CAMTA1: variants seen among roughly 807,000 people sequenced by gnomAD.
CAMTA1 encodes the protein calmodulin binding transcription activator 1.
In CAMTA1, 27 loss-of-function variants were observed where a neutral mutation model predicts 170.9. That is an observed-to-expected ratio of 0.16 (90% CI 0.12 to 0.22). The LOEUF (loss-of-function observed/expected upper bound fraction) is 0.22. Among genes scored for constraint, CAMTA1 ranks in the 10% least tolerant of loss-of-function variants. CAMTA1 has a pLI of 1.00. For synonymous variants in CAMTA1, 833 were observed against 891.5 expected, an observed-to-expected ratio of 0.93 and a Z score of 1.17; for missense variants, 1,619 against 2,217.2, an observed-to-expected ratio of 0.73 and a Z score of 5.42.
At chr1:7,153,935 C>T (rs1646719882) in intron 4 of CAMTA1, among the ~76,000 whole-genome samples, 1 of 152,246 alleles carries the variant, frequency 6.6e-6, no homozygotes, top group Admixed American at 6.5e-5. Context: ...TAGGCCTGGG[C>T]TCCGGCCACG....
intron 3 of CAMTA1, among the ~76,000 whole-genome samples, chr1:6,989,413 T>C (rs1695942329): frequency 6.6e-6 from 1 of 152,228 alleles, no homozygotes; most frequent in Non-Finnish European, 1.5e-5. Flanking sequence ...TCATGTCAGC[T>C]CAAATAATGA....
intron 3 of CAMTA1, among the ~76,000 whole-genome samples, chr1:6,844,354 T>C (rs1384819680): frequency 6.6e-6 from 1 of 152,008 alleles, no homozygotes; most frequent in African/African-American, 2.4e-5. Context: ...GTTTCCTGTT[T>C]GTATATAATA....
intron 4 of CAMTA1, among the ~76,000 whole-genome samples, chr1:7,231,929 A>G (rs1380644992): frequency 6.6e-6 from 1 of 152,198 alleles, no homozygotes; most frequent in Non-Finnish European, 1.5e-5. Flanking sequence ...GCTCAAACAG[A>G]ACAAATGTGG....
chr1:7,052,535 C>G (rs1028688004), intron 3 of CAMTA1, among the ~76,000 whole-genome samples: 15 of 152,294 alleles, frequency 9.8e-5, no homozygotes, highest in African/African-American at 3.1e-4. Context: ...CATTCCTGGT[C>G]TCACACCCTC....
At position 7,570,984 on chromosome 1, in the gene CAMTA1, CTG is replaced by C. The variant is rs2095118918; in HGVS notation, c.511-69414_511-69413del. Among the ~76,000 whole-genome samples, 1 of 152,186 alleles carries C rather than the reference CTG, an allele frequency of 6.6e-6. No individual in the cohort carries two copies. The highest frequency in any genetic ancestry group is 1.5e-5 in the Non-Finnish European group (1 of 68,030). ...GTTGTGAGGATTAAAGGTGGTGTAT[CTG>C]TAAGGTGTAAGGTGTCCCTCCCAGA... On this transcript the variant is annotated intron_variant, in intron 6 of 22. Transcript: ENST00000303635. The surrounding 1 kb of genome is among the most constrained non-coding windows in gnomAD (Gnocchi z 4.3).
At chr1:6,872,657 G>T (rs1039035165) in intron 3 of CAMTA1, among the ~76,000 whole-genome samples, 4 of 151,878 alleles carry the variant, frequency 2.6e-5, no homozygotes, top group African/African-American at 9.7e-5. Flanking sequence ...CATTTTTATT[G>T]TATTTCTCTT....
intron 6 of CAMTA1, among the ~76,000 whole-genome samples, chr1:7,496,880 C>T (rs1015149134): frequency 3.3e-5 from 5 of 151,900 alleles, no homozygotes; most frequent in South Asian, 2.1e-4. Flanking sequence ...GGTCAGCAAG[C>T]GCAACCTCAG....
At chr1:6,884,641 A>G (rs1170872626) in intron 3 of CAMTA1, among the ~76,000 whole-genome samples, 2 of 152,144 alleles carry the variant, frequency 1.3e-5, no homozygotes, top group African/African-American at 4.8e-5. Context: ...CTCAAAAATT[A>G]CCCTCAAAAA....
At chr1:7,598,601 T>C (rs2095418283) in intron 6 of CAMTA1, among the ~76,000 whole-genome samples, 1 of 152,136 alleles carries the variant, frequency 6.6e-6, no homozygotes, top group African/African-American at 2.4e-5. Flanking sequence ...GCACCTGTTG[T>C]TTCCTGACTT....
chr1:7,423,394 C>T (rs532748698), intron 5 of CAMTA1, among the ~76,000 whole-genome samples: 180 of 150,042 alleles, frequency 1.2e-3, no homozygotes, highest in African/African-American at 3.4e-3. Flanking sequence ...CGCTTGAACC[C>T]GGAGGCAGAG....
chr1:7,095,979 T>G (rs1642030543), intron 4 of CAMTA1, among the ~76,000 whole-genome samples: 1 of 152,216 alleles, frequency 6.6e-6, no homozygotes, highest in Non-Finnish European at 1.5e-5. Flanking sequence ...AGCATGTCCT[T>G]CCCAGGAATC....
intron 5 of CAMTA1, among the ~76,000 whole-genome samples, chr1:7,451,669 C>T (rs1305901200): frequency 6.6e-6 from 1 of 152,128 alleles, no homozygotes; most frequent in Non-Finnish European, 1.5e-5. Context: ...TGTCAATGAA[C>T]CATCACTGAG....
intron 6 of CAMTA1, among the ~76,000 whole-genome samples, chr1:7,612,581 T>TG (rs1179275397): frequency 2.0e-5 from 3 of 152,204 alleles, no homozygotes; most frequent in Non-Finnish European, 4.4e-5. Context: ...GGGCCTTTGC[T>TG]GGGGAACTGC....
chr1:7,118,658 A>G (rs749675403), intron 4 of CAMTA1, among the ~76,000 whole-genome samples: 3 of 152,080 alleles, frequency 2.0e-5, no homozygotes, highest in Admixed American at 6.5e-5. Context: ...GTCTCTACAC[A>G]TCGTTTGAAA....
chr1:7,412,851 A>G (rs1167436267), intron 5 of CAMTA1, among the ~76,000 whole-genome samples: 1 of 151,860 alleles, frequency 6.6e-6, no homozygotes, highest in African/African-American at 2.4e-5. Flanking sequence ...CCTGAATGGT[A>G]TTGCCTAGGT....
intron 3 of CAMTA1, among the ~76,000 whole-genome samples, chr1:6,966,053 G>A (rs1691475009): frequency 6.6e-6 from 1 of 152,120 alleles, no homozygotes. Context: ...AGGAGAAGGA[G>A]TTAGGCTTCA....
At chr1:7,412,339 C>A (rs865959358) in intron 5 of CAMTA1, among the ~76,000 whole-genome samples, 2,464 of 151,892 alleles carry the variant, frequency 0.016, 63 homozygotes, top group African/African-American at 0.056. Context: ...GCCACACTGA[C>A]TTCCACAATG....
rs1450179027 is a variant in CAMTA1, at chr1:6,797,615, G to A, written c.45+12040G>A. ...TTGGCCAGGCTGGTCTCAAACTCCC[G>A]ACCTCAGCTGATCTGCCTGCCTCTG... is the stretch of plus-strand genomic sequence containing the variant. On this transcript the variant is annotated intron_variant, in intron 1 of 22. Transcript: ENST00000303635. Among the ~76,000 whole-genome samples the A allele has an allele frequency of 1.3e-5, 2 of 151,858 alleles. 1 individual carries two copies. The highest frequency in any genetic ancestry group is 4.2e-4 in the South Asian group (2 of 4,810).
intron 4 of CAMTA1, among the ~76,000 whole-genome samples, chr1:7,242,732 T>G (rs1665080303): frequency 6.6e-6 from 1 of 151,230 alleles, no homozygotes. Flanking sequence ...ATCGAGACCA[T>G]CCTGGCTAAC....
Sources: allele counts gnomAD v4.1 joint callset (sites outside exome capture counted in the v4.1 genomes callset), GRCh38; gene constraint gnomAD v4.1.1; non-coding constraint Gnocchi (gnomAD v3.1); transcripts MANE v1.5; gene names NCBI Gene and HGNC (gene_info 2026-07-23, HGNC 2026-07-21).